Variants in COL6A2 observed in about 807,000 individuals in gnomAD.
COL6A2 encodes the protein collagen type VI alpha 2 chain, also known as collagen alpha-2(VI) chain.
A neutral mutation model predicts 124.9 loss-of-function variants in COL6A2; 90 were observed. The ratio of observed to expected loss-of-function variants is 0.72; its 90% CI spans 0.61 to 0.86. COL6A2 has a LOEUF of 0.86. COL6A2 is among the 40% of genes least tolerant of loss of function. The probability of loss-of-function intolerance (pLI) is 0.00; values close to 1 mark genes in which losing one functional copy is unlikely to be tolerated. For synonymous variants in COL6A2, 793 were observed against 618.2 expected (o/e 1.28, Z -4.19); for missense variants, 1,607 against 1,502.5 (o/e 1.07, Z -1.15).
At chr21:46,103,090 T>A (rs988860199) in intron 1 of COL6A2, among the ~76,000 whole-genome samples, 1 of 152,218 alleles carries the variant, frequency 6.6e-6, no homozygotes, top group Non-Finnish European at 1.5e-5. Flanking sequence ...TGATTCAATC[T>A]CCTTACTAGT....
At chr21:46,103,487 AT>A (rs2078307885) in intron 1 of COL6A2, among the ~76,000 whole-genome samples, 1 of 151,646 alleles carries the variant, frequency 6.6e-6, no homozygotes, top group African/African-American at 2.4e-5. Flanking sequence ...AGTTCCTTAC[AT>A]TGTAAGGTTA....
chr21:46,112,960 C>T (rs1048898319), intron 4 of COL6A2, 136 bp downstream of exon 4: 1 of 1,148,226 alleles, frequency 8.7e-7, no homozygotes, highest in South Asian at 1.3e-5. Flanking sequence ...CCATGTTGGA[C>T]CTGAGGCCTT....
At chr21:46,125,662 G>A in intron 25 of COL6A2, 45 bp downstream of exon 25, 1 of 1,594,098 alleles carries the variant, frequency 6.3e-7, no homozygotes, top group African/African-American at 1.3e-5. Flanking sequence ...GGGCCGGGCG[G>A]GGCGTGGGAG....
At chr21:46,125,186 G>T in intron 23 of COL6A2, 80 bp from the exon 24 acceptor site, 1 of 1,391,254 alleles carries the variant, frequency 7.2e-7, no homozygotes, top group Non-Finnish European at 1.0e-6. Flanking sequence ...GAATGTCCCG[G>T]GACCCCCAGG....
intron 15 of COL6A2, 77 bp from the exon 16 acceptor site, chr21:46,120,438 C>A: frequency 8.1e-7 from 1 of 1,234,640 alleles, no homozygotes; most frequent in Non-Finnish European, 1.2e-6. Flanking sequence ...CAACCCCCGG[C>A]CACACCCGCC....
Position 46,108,106 on chromosome 21 carries a change from ATT to A in COL6A2, c.-27-3336_-27-3335del, listed in dbSNP as rs57568187. 5.5e-4 allele frequency among the ~76,000 whole-genome samples: 58 copies of A among 106,050 alleles called. 1 individual carries two copies. The highest frequency in any genetic ancestry group is 1.5e-3 in the African/African-American group (35 of 23,988). 69.6% of individuals were successfully genotyped at this position (106,050 alleles called of 152,430 possible). On this transcript the variant is annotated intron_variant, in intron 1 of 27. Transcript: ENST00000300527. ...TTTCTCTCTGTCTATATATATATAT[ATT>A]TTTTTTTCTCTTTTTTAAAAAAACT... is the stretch of plus-strand genomic sequence containing the variant.
At chr21:46,119,949 C>T (rs2078534390) in intron 15 of COL6A2, 99 bp downstream of exon 15, 2 of 1,059,700 alleles carry the variant, frequency 1.9e-6, no homozygotes, top group East Asian at 2.6e-5. Context: ...AACAACAGAA[C>T]CCCAGGGCCT....
chr21:46,120,440 A>G, intron 15 of COL6A2, 75 bp from the exon 16 acceptor site: 1 of 1,244,818 alleles, frequency 8.0e-7, no homozygotes, highest in South Asian at 1.3e-5. Context: ...ACCCCCGGCC[A>G]CACCCGCCTC....
At chr21:46,101,580 A>G (rs565129887) in intron 1 of COL6A2, among the ~76,000 whole-genome samples, 1 of 152,230 alleles carries the variant, frequency 6.6e-6, no homozygotes, top group Admixed American at 6.5e-5. Flanking sequence ...TGTATATGGT[A>G]TTAGGTAAGG....
chr21:46,128,186 A>G (rs1234152133), intron 27 of COL6A2, among the ~76,000 whole-genome samples: 1 of 152,126 alleles, frequency 6.6e-6, no homozygotes, highest in Non-Finnish European at 1.5e-5. Flanking sequence ...CACCACAGGG[A>G]AAGCAGCCAG....
At chr21:46,120,818 G>A (rs1459882981) in intron 16 of COL6A2, among the ~76,000 whole-genome samples, 3 of 151,890 alleles carry the variant, frequency 2.0e-5, no homozygotes, top group Admixed American at 1.3e-4. Context: ...GGGGACCCAG[G>A]TGAGGGCTGC....
rs1362233354 is a variant in COL6A2 at position 46,116,370 on chromosome 21, C to T, written c.901-7C>T. ...TCACTAATGCCCCTCTCTCCTCCTG[C>T]CCCCAGGGCGTTCCTGGCTTCAAAG... On this transcript the variant is annotated splice_region_variant and splice_polypyrimidine_tract_variant and intron_variant, in intron 7 of 27. Transcript: ENST00000300527. This position sits in a 1 kb window ranked among gnomAD's most constrained non-coding sequence, Gnocchi z 4.6. 2 of 1,612,854 alleles carry T rather than the reference C, an allele frequency of 1.2e-6. No homozygotes were observed. The highest frequency in any genetic ancestry group is 8.5e-7 in the Non-Finnish European group (1 of 1,179,920).
intron 1 of COL6A2, among the ~76,000 whole-genome samples, chr21:46,106,706 G>A (rs955087526): frequency 6.6e-6 from 1 of 152,130 alleles, no homozygotes; most frequent in Non-Finnish European, 1.5e-5. Flanking sequence ...ACTCTGAAAG[G>A]CCACCATGTC....
rs1601233959 is a variant in COL6A2, at chr21:46,119,811, C to T, written c.1293C>T (p.Thr431=). ...GEPGRRGDPG[T]KGSPGSDGPK... Reference sequence around the variant, plus strand: ...AGGGGCGCAGGGGAGACCCCGGCACCAAGGGCAGCCCAGGCAGCGATGGCC... The same window carrying T: ...AGGGGCGCAGGGGAGACCCCGGCACTAAGGGCAGCCCAGGCAGCGATGGCC... Residue 431 remains threonine, a synonymous_variant, in exon 15 of 28, where the codon ACC becomes ACT. Transcript: ENST00000300527. 2.6e-6 allele frequency: 4 copies of T among 1,564,820 alleles called. No individual in the cohort carries two copies. Among genetic ancestry groups the T allele is most frequent in the East Asian group, 4.7e-5 (2 of 42,960 alleles).
rs189408449 is a variant in COL6A2 at position 46,100,624 on chromosome 21, G to A, written c.-28+2451G>A. On this transcript the variant is annotated intron_variant, in intron 1 of 27. Transcript: ENST00000300527. ...TGTTTCCAGGAATTTGGCCATTTAG[G>A]TGACTCATATGAGTGAAATCGTATG... Among the ~76,000 whole-genome samples, 4 of 152,228 alleles carry A rather than the reference G, an allele frequency of 2.6e-5. No individual in the cohort carries two copies. The East Asian group carries it at 7.7e-4, about 29-fold the overall frequency.
In COL6A2 at chr21:46,128,849, G is replaced by A. The variant is rs1017009185; in HGVS notation, c.2461+2308G>A. 122 of 1,486,394 alleles carry A rather than the reference G, an allele frequency of 8.2e-5. No individual in the cohort carries two copies. In the East Asian group the frequency reaches 1.6e-3, roughly 20 times the overall value. The allele number at this position is 1,486,394 out of a possible 1,614,324, so 92.1% of individuals were successfully genotyped here. On this transcript the variant is annotated intron_variant, in intron 27 of 27. Transcript: ENST00000300527. ...GAGGGGTGGCTGGGGTCTTCCTGGC[G>A]ACGGGCCTGCGGCACTGGAAGCCCT...
In COL6A2 at chr21:46,116,042, C is replaced by A; in HGVS notation, c.889C>A (p.Pro297Thr). 6.3e-7 allele frequency: 1 copy of A among 1,595,018 alleles called. No homozygotes were observed. Among genetic ancestry groups the A allele is most frequent in the East Asian group, 2.3e-5 (1 of 43,632 alleles). The change falls in exon 7 of 28, where the codon CCA becomes ACA. Residue 297 changes from proline to threonine, a missense_variant. Transcript: ENST00000300527. The surrounding 1 kb of genome is among the most constrained non-coding windows in gnomAD (Gnocchi z 4.6). ...GGGCATCGAAGGCCCCATTGGATTC[C>A]CAGGACCCAAGGTGAGTGACCTCGG... The part of the protein sequence containing the change: ...DPGIEGPIGF[P>T]GPKGVPGFKG...
At chr21:46,118,960 C>A in intron 13 of COL6A2, 70 bp from the exon 14 acceptor site, 1 of 1,247,636 alleles carries the variant, frequency 8.0e-7, no homozygotes, top group South Asian at 1.2e-5. Context: ...CCACACCACA[C>A]ACCGCACAGG....
At chr21:46,115,759 C>G (rs2078460460) in intron 5 of COL6A2, 113 bp from the exon 6 acceptor site, 2 of 937,408 alleles carry the variant, frequency 2.1e-6, no homozygotes, top group Admixed American at 3.9e-5. Flanking sequence ...TCCACTTGGG[C>G]AGGGGAATCA....
Sources: gnomAD v4.1 joint callset for allele counts (sites outside exome capture counted in the v4.1 genomes callset) on GRCh38, gnomAD v4.1.1 for gene constraint, Gnocchi (gnomAD v3.1) non-coding constraint, MANE v1.5 for transcripts, NCBI Gene and HGNC (gene_info 2026-07-23, HGNC 2026-07-21) for gene names.